Variants in CTNNA2 observed in about 807,000 individuals in gnomAD.
The protein encoded by CTNNA2 is catenin alpha-2.
Under a neutral mutation model 101.0 loss-of-function variants are expected in CTNNA2, and 42 were observed. The ratio of observed to expected loss-of-function variants is 0.42; its 90% CI spans 0.32 to 0.54. The LOEUF (loss-of-function observed/expected upper bound fraction) is 0.54, where lower values mean the gene tolerates loss of function less well. Among genes scored for constraint, CTNNA2 ranks in the 20% least tolerant of loss-of-function variants. CTNNA2 has a pLI of 0.14. For synonymous variants in CTNNA2, 450 were observed against 456.4 expected (o/e 0.99, Z 0.18); for missense variants, 871 against 1,223.1 (o/e 0.71, Z 4.29).
At chr2:80,189,207 G>C (rs530816271) in intron 7 of CTNNA2, among the ~76,000 whole-genome samples, 1 of 152,118 alleles carries the variant, frequency 6.6e-6, no homozygotes, top group Admixed American at 6.6e-5. Flanking sequence ...ACCTGCCTTG[G>C]CCTTCCAAAG....
At chr2:79,213,772 AGAGT>A (rs1674208515) in intron 2 of CTNNA2, among the ~76,000 whole-genome samples, 1 of 152,202 alleles carries the variant, frequency 6.6e-6, no homozygotes, top group Admixed American at 6.5e-5. Flanking sequence ...AACTCAACAA[AGAGT>A]GAGTATAGCT....
rs1378712356 is a variant in CTNNA2, at chr2:79,744,417, G to A, written c.133G>A (p.Gly45Ser). The A allele has an allele frequency of 1.2e-6, 2 of 1,613,670 alleles. No homozygotes were observed. The highest frequency in any genetic ancestry group is 1.7e-6 in the Non-Finnish European group (2 of 1,179,872). Residue 45 changes from glycine (G) to serine (S), a missense_variant, in exon 3 of 19, where the codon GGC becomes AGC. By Grantham distance (56) the Gly-to-Ser change is moderately conservative. This residue lies in a region of CTNNA2 where 647 missense variants were observed against 831.5 expected (regional missense o/e 0.78). Coordinates refer to ENST00000402739, the MANE Select transcript of CTNNA2 (RefSeq NM_001282597.3). ...VTTLVNTSNKGPSGKKKGRSK... is the reference protein window; with the variant it reads ...VTTLVNTSNKSPSGKKKGRSK... ...TACACTTGTCAACACAAGCAACAAA[G>A]GCCCATCTGGTAAAAAGAAAGGGAG...
intron 7 of CTNNA2, among the ~76,000 whole-genome samples, chr2:80,060,798 C>T (rs1261821441): frequency 1.3e-5 from 2 of 152,190 alleles, no homozygotes; most frequent in Admixed American, 6.5e-5. Context: ...GGCCAAGGCA[C>T]TCACCCACCA....
intron 2 of CTNNA2, among the ~76,000 whole-genome samples, chr2:79,311,970 A>G (rs1373558552): frequency 6.6e-6 from 1 of 151,966 alleles, no homozygotes; most frequent in Non-Finnish European, 1.5e-5. Context: ...TGGGACAATC[A>G]TGGCTCACTG....
chr2:79,435,019 C>T (rs1320682240), intron 4 of CTNNA2, among the ~76,000 whole-genome samples: 1 of 152,098 alleles, frequency 6.6e-6, no homozygotes, highest in Non-Finnish European at 1.5e-5. Flanking sequence ...AAACCAAATT[C>T]TGTAACTAAC....
rs371390298 is a variant in CTNNA2 at position 80,514,199 on chromosome 2, C to T, written c.1291-30783C>T. On this transcript the variant is annotated intron_variant, in intron 9 of 18. Coordinates refer to ENST00000402739, the MANE Select transcript of CTNNA2 (RefSeq NM_001282597.3). ...GGGGTGCTCTGATTACTTGGCCAGC[C>T]GTGCTCAACCTCTTGAAGGAGGGAG... 2.2e-4 allele frequency among the ~76,000 whole-genome samples: 34 copies of T among 152,228 alleles called. No individual in the cohort carries two copies. The East Asian group carries it at 5.6e-3, about 25-fold the overall frequency.
chr2:80,311,050 C>A (rs1382994931), intron 7 of CTNNA2, among the ~76,000 whole-genome samples: 5 of 151,236 alleles, frequency 3.3e-5, no homozygotes, highest in Non-Finnish European at 5.9e-5. Context: ...ACCTAAAATT[C>A]AATCACCAGA....
At chr2:80,608,340 C>T in intron 17 of CTNNA2, 22 bp downstream of exon 17, 1 of 1,599,870 alleles carries the variant, frequency 6.3e-7, no homozygotes, top group Non-Finnish European at 8.5e-7. Flanking sequence ...TTGGGCTTCA[C>T]AATGTAAAGT....
chr2:79,338,209 G>T (rs922871498), intron 3 of CTNNA2, among the ~76,000 whole-genome samples: 17 of 139,318 alleles, frequency 1.2e-4, no homozygotes, highest in African/African-American at 4.3e-4. Context: ...TCGTGCCACT[G>T]CACTCCAGCC....
At chr2:79,345,196 A>C (rs748993455) in intron 3 of CTNNA2, among the ~76,000 whole-genome samples, 3 of 151,514 alleles carry the variant, frequency 2.0e-5, no homozygotes, top group African/African-American at 4.9e-5. Flanking sequence ...ATCTCCTCAC[A>C]TTTTTCTTCT....
At chr2:79,271,170 A>C (rs1325915087) in intron 2 of CTNNA2, among the ~76,000 whole-genome samples, 4 of 152,094 alleles carry the variant, frequency 2.6e-5, no homozygotes, top group Admixed American at 2.6e-4. Context: ...CCCTTTGGCG[A>C]TTCTTCTAGT....
chr2:79,484,102 A>G (rs1671134894), intron 4 of CTNNA2, among the ~76,000 whole-genome samples: 1 of 151,946 alleles, frequency 6.6e-6, no homozygotes, highest in Non-Finnish European at 1.5e-5. Context: ...AATTAACGAC[A>G]TGGTGGCATG....
intron 7 of CTNNA2, among the ~76,000 whole-genome samples, chr2:80,051,311 T>C (rs1040878489): frequency 6.6e-6 from 1 of 152,200 alleles, no homozygotes; most frequent in Non-Finnish European, 1.5e-5. Flanking sequence ...ATCCAATTCT[T>C]CTTTTCTGAA....
rs191844083 is a variant in CTNNA2 at position 80,132,651 on chromosome 2, T to G, written c.1056+222854T>G. On this transcript the variant is annotated intron_variant, in intron 7 of 18. Transcript: ENST00000402739. ...TGGAATTGGAGAATGGGGGTGAGAG[T>G]CAAGAGCAGAACCCCTATAAATGCA... Among the ~76,000 whole-genome samples, 57 of 151,868 alleles carry G rather than the reference T, an allele frequency of 3.8e-4. 1 individual carries two copies. The highest frequency in any genetic ancestry group is 1.2e-3 in the African/African-American group (48 of 41,416).
chr2:79,741,426 C>T (rs911925707), intron 2 of CTNNA2, among the ~76,000 whole-genome samples: 17 of 151,944 alleles, frequency 1.1e-4, no homozygotes, highest in Admixed American at 7.9e-4. Context: ...GTAAATATCT[C>T]GAATGCTAAT....
At chr2:80,466,981 G>A (rs1346917882) in intron 9 of CTNNA2, among the ~76,000 whole-genome samples, 1 of 152,188 alleles carries the variant, frequency 6.6e-6, no homozygotes, top group Non-Finnish European at 1.5e-5. Flanking sequence ...CAAGCCAATG[G>A]ATAGGATAGA....
rs889756255 is a variant in CTNNA2, at chr2:79,411,167, C to T, written c.-135+37154C>T. On this transcript the variant is annotated intron_variant, in intron 4 of 21. Transcript: ENST00000466387. ...TGATATCCCCTTTATCATTTTTTAT[C>T]GCGTCTATTTGATTCTTCTCTCTTT... is the stretch of plus-strand genomic sequence containing the variant. 5.9e-5 allele frequency among the ~76,000 whole-genome samples: 9 copies of T among 151,468 alleles called. No individual in the cohort carries two copies. The East Asian group carries it at 1.6e-3, about 26-fold the overall frequency.
At chr2:79,394,744 T>C (rs1221501185) in intron 4 of CTNNA2, among the ~76,000 whole-genome samples, 1 of 151,924 alleles carries the variant, frequency 6.6e-6, no homozygotes, top group Non-Finnish European at 1.5e-5. Context: ...ACATAGTTCA[T>C]CAAATGTCTG....
At chr2:79,489,015 C>T (rs1433064762) in intron 4 of CTNNA2, among the ~76,000 whole-genome samples, 3 of 152,140 alleles carry the variant, frequency 2.0e-5, no homozygotes, top group African/African-American at 7.2e-5. Context: ...ACCAGGCTGA[C>T]AGTTTTCTCA....
Sources: gnomAD v4.1 joint callset for allele counts (sites outside exome capture counted in the v4.1 genomes callset) on GRCh38, gnomAD v4.1.1 for gene constraint, gnomAD v4.1.1 regional missense constraint, MANE v1.5 for transcripts, NCBI Gene and HGNC (gene_info 2026-07-23, HGNC 2026-07-21) for gene names.